The following CWF19L2 variants were observed in gnomAD, a reference collection of about 807,000 sequenced individuals.
CWF19L2 encodes CWF19-like protein 2.
In CWF19L2, 98 loss-of-function variants were observed where a neutral mutation model predicts 111.7. The ratio of observed to expected loss-of-function variants is 0.88; its 90% CI spans 0.75 to 1.04. The LOEUF (loss-of-function observed/expected upper bound fraction) is 1.04, where lower values mean the gene tolerates loss of function less well. Among genes scored for constraint, CWF19L2 ranks in the 50% least tolerant of loss-of-function variants. The probability of loss-of-function intolerance (pLI) is 0.00; values close to 1 mark genes in which losing one functional copy is unlikely to be tolerated. For missense variants in CWF19L2, 1,101 were observed against 1,051.4 expected, an observed-to-expected ratio of 1.05 and a Z score of -0.65; for synonymous variants, 351 against 342.9, an observed-to-expected ratio of 1.02 and a Z score of -0.26.
intron 10 of CWF19L2, among the ~76,000 whole-genome samples, chr11:107,399,535 C>T (rs1425934296): frequency 6.6e-6 from 1 of 152,120 alleles, no homozygotes; most frequent in Non-Finnish European, 1.5e-5. Context: ...CAATCCTAAA[C>T]ATATATGTGC....
chr11:107,419,244 G>C (rs1448342791), intron 8 of CWF19L2, among the ~76,000 whole-genome samples: 1 of 152,166 alleles, frequency 6.6e-6, no homozygotes, highest in Admixed American at 6.5e-5. Flanking sequence ...CTTCATTAGT[G>C]GGAAACAGCA....
chr11:107,329,613 G>A (rs1211124297), intron 17 of CWF19L2, among the ~76,000 whole-genome samples: 1 of 152,120 alleles, frequency 6.6e-6, no homozygotes, highest in African/African-American at 2.4e-5. Flanking sequence ...CACACTGTAA[G>A]CCCTTAATAA....
chr11:107,422,291 T>C (rs770527206), intron 8 of CWF19L2, among the ~76,000 whole-genome samples: 5 of 151,996 alleles, frequency 3.3e-5, no homozygotes, highest in East Asian at 1.9e-4. Context: ...CAGAGTAACA[T>C]TTTCATACAT....
rs1860195692 is a variant in CWF19L2 at position 107,353,846 on chromosome 11, T to C, written c.1873-110A>G. Reference sequence around the variant, plus strand: ...TAAGTTCTATGATAAAACTAATACATTTAAAAGAAAAGAAAAAACATGATT... The same window carrying C: ...TAAGTTCTATGATAAAACTAATACACTTAAAAGAAAAGAAAAAACATGATT... On this transcript the variant is annotated intron_variant, in intron 12 of 17. Coordinates refer to ENST00000282251, the MANE Select transcript of CWF19L2 (RefSeq NM_152434.3). 5.3e-6 allele frequency: 4 copies of C among 750,844 alleles called. No homozygotes were observed. In the South Asian group the frequency reaches 7.4e-5, roughly 14 times the overall value. The allele number at this position is 750,844 out of a possible 1,614,324, so 46.5% of individuals were successfully genotyped here. A position where few individuals can be genotyped will look rare whatever the true frequency, so the allele number is the denominator to read the frequency against.
Position 107,418,222 on chromosome 11 carries a change from A to T in CWF19L2, c.1499T>A (p.Ile500Asn), listed in dbSNP as rs1452620843. 6.2e-7 allele frequency: 1 copy of T among 1,611,618 alleles called. No homozygotes were observed. Among genetic ancestry groups the T allele is most frequent in the Middle Eastern group, 1.7e-4 (1 of 6,056 alleles). Residue 500 changes from isoleucine to asparagine, a missense_variant, in exon 9 of 18, where the codon ATT becomes AAT. Ile to Asn is a moderately radical substitution (Grantham distance 149). Transcript: ENST00000282251. ...ATTCCCCATCATCTCTGCTTTGATA[A>T]TCTTGGCTCCCAACTTGTTCTTCTC... ...VDEKNKLGAK[I>N]IKAEMMGNME...
intron 3 of CWF19L2, among the ~76,000 whole-genome samples, chr11:107,453,811 G>A (rs1861814535): frequency 6.6e-6 from 1 of 151,980 alleles, no homozygotes; most frequent in Admixed American, 6.5e-5. Context: ...TGAAGGGTGA[G>A]TCCCAGGCCG....
intron 10 of CWF19L2, chr11:107,403,436 G>T: frequency 1.3e-6 from 1 of 771,672 alleles, no homozygotes. Flanking sequence ...GGGATCTGTC[G>T]GTGGCTCTTC....
At chr11:107,445,598 C>G (rs1453790800) in intron 3 of CWF19L2, among the ~76,000 whole-genome samples, 1 of 65,354 alleles carries the variant, frequency 1.5e-5, no homozygotes, top group Non-Finnish European at 4.0e-5. Flanking sequence ...GAGCAAAACT[C>G]CGCCTTAAAA....
chr11:107,416,228 G>T lies in CWF19L2; in HGVS notation c.1598C>A (p.Pro533Gln), dbSNP rs1406814515. 1 of 1,427,886 alleles carries T rather than the reference G, an allele frequency of 7.0e-7. No individual in the cohort carries two copies. Among genetic ancestry groups the T allele is most frequent in the South Asian group, 1.5e-5 (1 of 66,668 alleles). The allele number at this position is 1,427,886 out of a possible 1,614,324, so 88.5% of individuals were successfully genotyped here. A position where few individuals can be genotyped will look rare whatever the true frequency, so the allele number is the denominator to read the frequency against. Residue 533 changes from proline to glutamine, a missense_variant, in exon 10 of 18, where the codon CCA (proline) becomes CAA (glutamine). Pro to Gln is a moderately conservative substitution (Grantham distance 76). Transcript: ENST00000282251. The stretch of plus-strand genomic sequence containing the variant: ...ACTTACCTCTACCCCAGATTTTTTT[G>T]GTATCTGTGTTATAGTTTCTTTGAA... ...NKFKETITQIPKKSGVENEDQ... is the reference protein window; with the variant it reads ...NKFKETITQIQKKSGVENEDQ...
At chr11:107,383,765 AC>A (rs1268381254) in intron 12 of CWF19L2, among the ~76,000 whole-genome samples, 1 of 152,226 alleles carries the variant, frequency 6.6e-6, no homozygotes, top group African/African-American at 2.4e-5. Flanking sequence ...AATATAAGGT[AC>A]TAATAAAAAG....
chr11:107,392,828 G>C lies in CWF19L2; in HGVS notation c.1685C>G (p.Thr562Arg). The C allele has an allele frequency of 1.9e-6, 3 of 1,596,098 alleles. No homozygotes were observed. The African/African-American group carries it at 4.1e-5, about 22-fold the overall frequency. Residue 562 changes from threonine (T) to arginine (R), a missense_variant, in exon 11 of 18, where the codon ACA becomes AGA. Physicochemically the swap from Thr to Arg is moderately conservative, Grantham distance 71. Transcript: ENST00000282251. Reference protein sequence around the residue: ...DQSGRVWPVNTPGKSLESQGG... With the variant: ...DQSGRVWPVNRPGKSLESQGG... ...TTGTGATTCCAGAGATTTTCCGGGT[G>C]TGTTCACAGGCCATACTCTTCCAGA...
chr11:107,441,700 C>G, intron 4 of CWF19L2, 78 bp from the exon 5 acceptor site: 4 of 1,349,358 alleles, frequency 3.0e-6, no homozygotes, highest in Non-Finnish European at 3.8e-6. Flanking sequence ...TTAATAAACA[C>G]TTGGTAATAA....
In CWF19L2 at chr11:107,373,081, C is replaced by T. The variant is rs1269025319; in HGVS notation, c.1872+16993G>A. Among the ~76,000 whole-genome samples the T allele has an allele frequency of 1.2e-4, 7 of 60,180 alleles. 2 individuals are homozygous for T. The highest frequency in any genetic ancestry group is 2.2e-4 in the Non-Finnish European group (7 of 31,892). The allele number at this position is 60,180 out of a possible 152,430, so 39.5% of individuals were successfully genotyped here. A position where few individuals can be genotyped will look rare whatever the true frequency, so the allele number is the denominator to read the frequency against. ...TTTCAGACCGGCTTAAAAAACGGCA[C>T]ACTACGAGATTATATCCCGCACCTG... On this transcript the variant is annotated intron_variant, in intron 12 of 17. Coordinates refer to ENST00000282251, the MANE Select transcript of CWF19L2 (RefSeq NM_152434.3).
chr11:107,397,861 C>T (rs1178986450), intron 10 of CWF19L2, among the ~76,000 whole-genome samples: 3 of 152,178 alleles, frequency 2.0e-5, no homozygotes, highest in African/African-American at 2.4e-5. Context: ...GAAAACCCCC[C>T]GTACCAGCCC....
Position 107,370,847 on chromosome 11 carries a change from C to T in CWF19L2, c.1873-17111G>A, listed in dbSNP as rs903534453. Among the ~76,000 whole-genome samples the T allele has an allele frequency of 1.5e-5, 2 of 137,516 alleles. 1 individual carries two copies. The highest frequency in any genetic ancestry group is 3.1e-5 in the Non-Finnish European group (2 of 64,276). The allele number at this position is 137,516 out of a possible 152,430, so 90.2% of individuals were successfully genotyped here. ...AGAATCGGGAGCATTATAACTAATT[C>T]CTGTCATCTGTGTTTTGTAATATAG... On this transcript the variant is annotated intron_variant, in intron 12 of 17. Transcript: ENST00000282251.
intron 12 of CWF19L2, 29 bp from the exon 13 acceptor site, chr11:107,353,765 A>G (rs745891327): frequency 1.9e-6 from 3 of 1,565,586 alleles, no homozygotes; most frequent in Non-Finnish European, 1.8e-6. Flanking sequence ...AGTAATAGAG[A>G]GTAGAAGGTA....
At chr11:107,341,736 G>A (rs1024747501) in intron 14 of CWF19L2, among the ~76,000 whole-genome samples, 2 of 152,074 alleles carry the variant, frequency 1.3e-5, no homozygotes, top group African/African-American at 4.8e-5. Flanking sequence ...TAATTTTTTA[G>A]AAGTTTTACA....
intron 14 of CWF19L2, among the ~76,000 whole-genome samples, chr11:107,337,947 T>C (rs1338784157): frequency 6.6e-6 from 1 of 152,158 alleles, no homozygotes; most frequent in Admixed American, 6.6e-5. Flanking sequence ...AGGTAACATC[T>C]TATAAAACTA....
intron 13 of CWF19L2, among the ~76,000 whole-genome samples, chr11:107,351,148 A>C (rs79479861): frequency 0.013 from 1,967 of 152,338 alleles, 24 homozygotes; most frequent in Middle Eastern, 0.037. Flanking sequence ...ACCCATTAGG[A>C]AACTATTACA....
Sources: gnomAD v4.1 joint callset for allele counts (sites outside exome capture counted in the v4.1 genomes callset) on GRCh38, gnomAD v4.1.1 for gene constraint, MANE v1.5 for transcripts, NCBI Gene and HGNC (gene_info 2026-07-23, HGNC 2026-07-21) for gene names.